FOXP1: variants seen among roughly 807,000 people sequenced by gnomAD.
FOXP1 encodes forkhead box P1.
A neutral mutation model predicts 98.2 loss-of-function variants in FOXP1; 15 were observed. The ratio of observed to expected loss-of-function variants is 0.15; its 90% CI spans 0.10 to 0.24. The LOEUF is 0.24. FOXP1 is among the 10% of genes least tolerant of loss of function. The probability of loss-of-function intolerance (pLI) is 1.00; values close to 1 mark genes in which losing one functional copy is unlikely to be tolerated. For synonymous variants in FOXP1, 371 were observed against 314.5 expected (o/e 1.18, Z -1.90); for missense variants, 633 against 848.5 (o/e 0.75, Z 3.15).
At chr3:71,520,700 T>C (rs1255030896) in intron 2 of FOXP1, among the ~76,000 whole-genome samples, 1 of 152,192 alleles carries the variant, frequency 6.6e-6, no homozygotes, top group Admixed American at 6.5e-5. Flanking sequence ...ACAGTGTGTA[T>C]CAGAAACCTG....
At chr3:71,058,648 C>T (rs1576491141) in intron 7 of FOXP1, among the ~76,000 whole-genome samples, 2 of 149,502 alleles carry the variant, frequency 1.3e-5, no homozygotes, top group African/African-American at 2.5e-5. Flanking sequence ...TGACCATATA[C>T]AAGCTAGCCT....
chr3:71,131,687 A>C (rs2059580176), intron 6 of FOXP1, among the ~76,000 whole-genome samples: 1 of 152,256 alleles, frequency 6.6e-6, no homozygotes, highest in African/African-American at 2.4e-5. Context: ...ATAGACATTC[A>C]AGTCTGAAAG....
In FOXP1 at chr3:71,478,528, G is replaced by C. The variant is rs569260952; in HGVS notation, c.-168+14898C>G. Among the ~76,000 whole-genome samples the C allele has an allele frequency of 1.8e-4, 28 of 152,336 alleles. No individual in the cohort carries two copies. The South Asian group carries it at 5.6e-3, about 30-fold the overall frequency. Reference sequence around the variant, plus strand: ...AAAAAAGAAGAATGAGAGTGGCAAGGAGGTTGACTGATGAACAAGTATTTC... The same window carrying C: ...AAAAAAGAAGAATGAGAGTGGCAAGCAGGTTGACTGATGAACAAGTATTTC... On this transcript the variant is annotated intron_variant, in intron 3 of 20. Transcript: ENST00000649528.
At chr3:71,089,590 A>G (rs1178858397) in intron 7 of FOXP1, among the ~76,000 whole-genome samples, 1 of 152,166 alleles carries the variant, frequency 6.6e-6, no homozygotes, top group Non-Finnish European at 1.5e-5. Flanking sequence ...TGGCTTGCAC[A>G]CACTTTCTTC....
intron 17 of FOXP1, among the ~76,000 whole-genome samples, chr3:70,973,743 T>TG (rs1228932046): frequency 6.6e-6 from 1 of 151,796 alleles, no homozygotes; most frequent in African/African-American, 2.4e-5. Flanking sequence ...GGTGACTCAA[T>TG]TGGGGCTTGA....
intron 6 of FOXP1, among the ~76,000 whole-genome samples, chr3:71,126,475 T>A (rs1444702391): frequency 6.6e-6 from 1 of 151,120 alleles, no homozygotes; most frequent in Non-Finnish European, 1.5e-5. Flanking sequence ...GGCCACAGAG[T>A]GAGACTCTGT....
intron 3 of FOXP1, among the ~76,000 whole-genome samples, chr3:71,450,159 A>G (rs1325042571): frequency 6.6e-6 from 1 of 152,236 alleles, no homozygotes; most frequent in Non-Finnish European, 1.5e-5. Context: ...CCTGCGTATT[A>G]GAGTCAATGT....
chr3:71,436,204 A>C (rs1057238486), intron 3 of FOXP1, among the ~76,000 whole-genome samples: 1 of 151,896 alleles, frequency 6.6e-6, no homozygotes, highest in African/African-American at 2.4e-5. Flanking sequence ...GTCTCCCCGC[A>C]ACAGCCCCTG....
chr3:71,438,345 T>C (rs1354357396), intron 3 of FOXP1, among the ~76,000 whole-genome samples: 2 of 152,208 alleles, frequency 1.3e-5, no homozygotes, highest in Non-Finnish European at 2.9e-5. Context: ...TGTTTTTGGA[T>C]TGCTTTCAAA....
At chr3:71,191,676 A>G (rs2062986543) in intron 6 of FOXP1, among the ~76,000 whole-genome samples, 1 of 152,230 alleles carries the variant, frequency 6.6e-6, no homozygotes, top group South Asian at 2.1e-4. Flanking sequence ...CTAAACTAAC[A>G]GAGTAGAGAA....
chr3:71,106,776 T>C (rs945041347), intron 7 of FOXP1, among the ~76,000 whole-genome samples: 2 of 1,336 alleles, frequency 1.5e-3, no homozygotes, highest in Non-Finnish European at 0.012. Flanking sequence ...AATAGGGATT[T>C]TTTTTTTTTT....
intron 4 of FOXP1, chr3:71,333,387 T>C (rs1289278343): frequency 1.9e-5 from 2 of 105,938 alleles, no homozygotes; most frequent in Admixed American, 1.1e-4. Flanking sequence ...TAAAATTCTA[T>C]ACAAAGTGAT....
chr3:71,243,811 T>C (rs368940920), intron 5 of FOXP1, among the ~76,000 whole-genome samples: 52 of 152,348 alleles, frequency 3.4e-4, no homozygotes, highest in East Asian at 1.9e-3. Context: ...GAATTTCTTG[T>C]GGTCTTTACT....
intron 3 of FOXP1, among the ~76,000 whole-genome samples, chr3:71,419,777 G>A (rs72959382): frequency 0.033 from 5,091 of 151,994 alleles, 279 homozygotes; most frequent in African/African-American, 0.11. Context: ...ATACATATAT[G>A]CACACACACA....
intron 7 of FOXP1, among the ~76,000 whole-genome samples, chr3:71,096,270 G>T (rs151245864): frequency 1.3e-5 from 2 of 152,258 alleles, no homozygotes; most frequent in African/African-American, 4.8e-5. Flanking sequence ...TTGACTGGTG[G>T]TCTTCAAACA....
chr3:71,567,183 G>A (rs1435997208), intron 2 of FOXP1, among the ~76,000 whole-genome samples: 5 of 151,930 alleles, frequency 3.3e-5, no homozygotes, highest in Non-Finnish European at 5.9e-5. Flanking sequence ...GAAAGTGGAC[G>A]GTCAATACAT....
chr3:70,990,688 G>A (rs1280353580), intron 13 of FOXP1, among the ~76,000 whole-genome samples: 1 of 152,180 alleles, frequency 6.6e-6, no homozygotes, highest in Non-Finnish European at 1.5e-5. Context: ...CTCTCTAAAA[G>A]ACTTTCCCAG....
chr3:71,080,315 A>G (rs1280987182), intron 7 of FOXP1, among the ~76,000 whole-genome samples: 1 of 152,246 alleles, frequency 6.6e-6, no homozygotes, highest in Non-Finnish European at 1.5e-5. Flanking sequence ...AGAGTTTTGA[A>G]AAAATGCAAT....
intron 5 of FOXP1, among the ~76,000 whole-genome samples, chr3:71,232,131 C>G (rs183877320): frequency 8.7e-4 from 133 of 152,234 alleles, no homozygotes; most frequent in African/African-American, 3.0e-3. Flanking sequence ...GGTGGCTTAG[C>G]AAACTGAGAT....
Sources: allele counts gnomAD v4.1 joint callset (sites outside exome capture counted in the v4.1 genomes callset), GRCh38; gene constraint gnomAD v4.1.1; transcripts MANE v1.5; gene names NCBI Gene and HGNC (gene_info 2026-07-23, HGNC 2026-07-21).